The following POC1A variants were observed in gnomAD, a reference collection of about 807,000 sequenced individuals.
POC1A encodes the protein POC1 centriolar protein homolog A.
POC1A carries 34 observed loss-of-function variants against 47.8 expected under a neutral mutation model. The ratio of observed to expected loss-of-function variants is 0.71; its 90% CI spans 0.54 to 0.95. POC1A has a LOEUF of 0.95. Ranked by LOEUF, POC1A falls within the 40% of genes least tolerant of loss-of-function variation. The pLI is 0.00. For synonymous variants in POC1A, 177 were observed against 207.6 expected (o/e 0.85, Z 1.27); for missense variants, 466 against 528.3 (o/e 0.88, Z 1.16).
At chr3:52,089,961 G>C (rs1406491785) in intron 10 of POC1A, among the ~76,000 whole-genome samples, 1 of 132,650 alleles carries the variant, frequency 7.5e-6, no homozygotes, top group African/African-American at 3.1e-5. Context: ...GGACTACCAT[G>C]GGGGTGGGGG....
At chr3:52,125,390 T>C (rs972775990) in intron 7 of POC1A, among the ~76,000 whole-genome samples, 3 of 152,156 alleles carry the variant, frequency 2.0e-5, no homozygotes, top group African/African-American at 4.8e-5. Flanking sequence ...TCCTGAGCAC[T>C]ACAACAGGGA....
chr3:52,119,664 G>A (rs2107078905), intron 9 of POC1A, among the ~76,000 whole-genome samples: 1 of 152,308 alleles, frequency 6.6e-6, no homozygotes, highest in Non-Finnish European at 1.5e-5. Context: ...TCAAAGTGCT[G>A]AGATTACAGG....
chr3:52,144,632 TC>T (rs1254036369), intron 6 of POC1A, among the ~76,000 whole-genome samples: 1 of 152,064 alleles, frequency 6.6e-6, no homozygotes, highest in Non-Finnish European at 1.5e-5. Context: ...TCATTAAACC[TC>T]CCAACACCTC....
chr3:52,130,808 TCCCCTGCTTGAAGGTGCATC>T (rs1704183262), intron 7 of POC1A, among the ~76,000 whole-genome samples: 1 of 152,028 alleles, frequency 6.6e-6, no homozygotes, highest in African/African-American at 2.4e-5. Flanking sequence ...CACAGTCGCC[TCCCCTGCTTGAAGGTGCATC>T]CCCTTTGCTG....
rs775474147 is a variant in POC1A, at chr3:52,138,282, C to T, written c.700G>A (p.Gly234Arg). The T allele has an allele frequency of 1.3e-5, 21 of 1,613,006 alleles. No individual in the cohort carries two copies. The Admixed American group carries it at 2.3e-4, about 18-fold the overall frequency. The part of the protein sequence containing the change: ...HYQLHSAAVN[G>R]LSFHPSGNYL... Reference sequence around the variant, plus strand: ...TTTCCCGACGGGTGGAAAGAGAGCCCGTTCACTGCTGCACTGTGCACTGGG... The same window carrying T: ...TTTCCCGACGGGTGGAAAGAGAGCCTGTTCACTGCTGCACTGTGCACTGGG... The change falls in exon 7 of 11, where the codon GGG (glycine) becomes AGG (arginine). Residue 234 changes from glycine to arginine, a missense_variant. By Grantham distance (125) the Gly-to-Arg change is moderately radical. Coordinates refer to ENST00000296484, the MANE Select transcript of POC1A (RefSeq NM_015426.5).
intron 7 of POC1A, among the ~76,000 whole-genome samples, chr3:52,128,469 T>C (rs1457651757): frequency 6.6e-6 from 1 of 152,106 alleles, no homozygotes; most frequent in Non-Finnish European, 1.5e-5. Flanking sequence ...TCCCTAACAG[T>C]GCCTGTTTAC....
intron 7 of POC1A, among the ~76,000 whole-genome samples, chr3:52,134,976 G>A (rs1297908771): frequency 6.6e-6 from 1 of 152,046 alleles, no homozygotes; most frequent in African/African-American, 2.4e-5. Context: ...CCACCACATC[G>A]CCACCTCCCA....
chr3:52,084,164 C>T lies in POC1A; in HGVS notation c.1126-8179G>A, dbSNP rs1702386413. On this transcript the variant is annotated intron_variant, in intron 10 of 10. Coordinates refer to ENST00000296484, the MANE Select transcript of POC1A (RefSeq NM_015426.5). The surrounding 1 kb of genome is among the most constrained non-coding windows in gnomAD (Gnocchi z 4.3). ...CGACCTAGGAACTGACCACAGCCAC[C>T]TGGTCCTACAGTCCATGAAACGGAA... 6.6e-6 allele frequency among the ~76,000 whole-genome samples: 1 copy of T among 152,202 alleles called. No homozygotes were observed. The highest frequency in any genetic ancestry group is 1.5e-5 in the Non-Finnish European group (1 of 68,032).
intron 7 of POC1A, among the ~76,000 whole-genome samples, chr3:52,134,268 T>G (rs1168932492): frequency 1.3e-5 from 2 of 152,206 alleles, no homozygotes; most frequent in African/African-American, 4.8e-5. Context: ...ACCACTGAAC[T>G]GTACATTTAA....
At chr3:52,119,827 T>G (rs1010737149) in intron 9 of POC1A, among the ~76,000 whole-genome samples, 3 of 152,224 alleles carry the variant, frequency 2.0e-5, no homozygotes, top group Admixed American at 1.3e-4. Flanking sequence ...CAGCAAAGAA[T>G]GATCTGGCCC....
chr3:52,151,066 T>C lies in POC1A; in HGVS notation c.53A>G (p.His18Arg). 6.2e-7 allele frequency: 1 copy of C among 1,614,008 alleles called. No homozygotes were observed. Among genetic ancestry groups the C allele is most frequent in the Non-Finnish European group, 8.5e-7 (1 of 1,179,934 alleles). ...DPSLERHFKG[H>R]RDAVTCVDFS... ...GTCCACACAGGTAACTGCATCTCGG[T>C]GGCCCTTAAAATGCCTTTCCAGCGA... The change falls in exon 2 of 11, where the codon CAC (histidine) becomes CGC (arginine). Residue 18 changes from histidine to arginine, a missense_variant. His to Arg is a conservative substitution (Grantham distance 29, BLOSUM62 0). Coordinates refer to ENST00000296484, the MANE Select transcript of POC1A (RefSeq NM_015426.5).
chr3:52,130,369 C>G (rs1300750063), intron 7 of POC1A, among the ~76,000 whole-genome samples: 1 of 152,160 alleles, frequency 6.6e-6, no homozygotes. Flanking sequence ...CTTCCAGAGC[C>G]CCACCAGGAG....
chr3:52,113,371 A>C (rs1032940992), intron 9 of POC1A, among the ~76,000 whole-genome samples: 1 of 152,212 alleles, frequency 6.6e-6, no homozygotes, highest in African/African-American at 2.4e-5. Context: ...GCCACTGGCC[A>C]AAGGTGCTCT....
chr3:52,151,861 C>A (rs1408939798), intron 1 of POC1A, among the ~76,000 whole-genome samples: 1 of 150,542 alleles, frequency 6.6e-6, no homozygotes, highest in African/African-American at 2.5e-5. Context: ...AAGCTGCTCC[C>A]AAGATTCACA....
At chr3:52,135,711 C>T (rs1338674651) in intron 7 of POC1A, among the ~76,000 whole-genome samples, 2 of 152,152 alleles carry the variant, frequency 1.3e-5, no homozygotes, top group Non-Finnish European at 2.9e-5. Flanking sequence ...CCTGGGCATC[C>T]CTGCCCCATA....
At chr3:52,082,273 G>A (rs1039948116) in intron 10 of POC1A, among the ~76,000 whole-genome samples, 2 of 152,212 alleles carry the variant, frequency 1.3e-5, no homozygotes, top group Admixed American at 6.5e-5. Context: ...GGCCTTGGCA[G>A]GACCCAGGGT....
intron 1 of POC1A, among the ~76,000 whole-genome samples, chr3:52,151,664 C>G (rs1209694491): frequency 6.8e-6 from 1 of 147,862 alleles, no homozygotes; most frequent in African/African-American, 2.5e-5. Context: ...AGGACTTGTA[C>G]AGTAAAGACG....
rs531974076 is a variant in POC1A, at chr3:52,085,412, G to A, written c.1126-9427C>T. 7.9e-5 allele frequency among the ~76,000 whole-genome samples: 12 copies of A among 152,258 alleles called. No individual in the cohort carries two copies. The East Asian group carries it at 1.4e-3, about 17-fold the overall frequency. On this transcript the variant is annotated intron_variant, in intron 10 of 10. Coordinates refer to ENST00000296484, the MANE Select transcript of POC1A (RefSeq NM_015426.5). ...CCCTCTGCCTCCTCACTGCTTCTCC[G>A]TGCCCCTTTCCTATCCAAGAGCTCA...
At chr3:52,085,970 A>G (rs564593813) in intron 10 of POC1A, among the ~76,000 whole-genome samples, 10 of 152,276 alleles carry the variant, frequency 6.6e-5, no homozygotes, top group Middle Eastern at 3.4e-3. Flanking sequence ...TGAGGCCCCA[A>G]ATAGGGCAGC....
Sources: gnomAD v4.1 joint callset for allele counts (sites outside exome capture counted in the v4.1 genomes callset) on GRCh38, gnomAD v4.1.1 for gene constraint, Gnocchi (gnomAD v3.1) non-coding constraint, MANE v1.5 for transcripts, NCBI Gene and HGNC (gene_info 2026-07-23, HGNC 2026-07-21) for gene names.